ITIH4: variants seen among roughly 807,000 people sequenced by gnomAD.
ITIH4 encodes inter-alpha-trypsin inhibitor heavy chain H4.
Under a neutral mutation model 111.8 loss-of-function variants are expected in ITIH4, and 79 were observed. The ratio of observed to expected loss-of-function variants is 0.71; its 90% CI spans 0.59 to 0.85. The LOEUF is 0.85. ITIH4 is among the 40% of genes least tolerant of loss of function. ITIH4 has a pLI of 0.00. For synonymous variants in ITIH4, 472 were observed against 468.3 expected, an observed-to-expected ratio of 1.01 and a Z score of -0.10; for missense variants, 1,065 against 1,195.8, an observed-to-expected ratio of 0.89 and a Z score of 1.61.
rs182442056 is a variant in ITIH4, at chr3:52,814,151, G to A, written c.2626+58C>T. Reference sequence around the variant, plus strand: ...CACACGCAGGGGAGGGGCGCTGCCTGTTCCCAAGCACAGCTGGTTTCTGAG... The same window carrying A: ...CACACGCAGGGGAGGGGCGCTGCCTATTCCCAAGCACAGCTGGTTTCTGAG... On this transcript the variant is annotated intron_variant, in intron 22 of 23. Transcript: ENST00000266041. 1,250 of 1,604,832 alleles carry A rather than the reference G, an allele frequency of 7.8e-4. 2 individuals are homozygous for A. The African/African-American group carries it at 0.011, about 15-fold the overall frequency.
chr3:52,814,183 C>T, intron 22 of ITIH4, 26 bp downstream of exon 22: 1 of 1,609,306 alleles, frequency 6.2e-7, no homozygotes, highest in Non-Finnish European at 8.5e-7. Flanking sequence ...TGAGGAAGGC[C>T]TGGGCCCCGG....
At chr3:52,814,100 G>A (rs747956985) in intron 22 of ITIH4, 29 bp from the exon 23 acceptor site, 1 of 1,610,324 alleles carries the variant, frequency 6.2e-7, no homozygotes, top group Non-Finnish European at 8.5e-7. Flanking sequence ...ATCAGTAAGG[G>A]TCAGAGACAG....
At position 52,826,586 on chromosome 3, in the gene ITIH4, G is replaced by T. The variant is rs1700482080; in HGVS notation, c.585C>A (p.Thr195=). Residue 195 remains threonine (T), a synonymous_variant, in exon 5 of 24, where the codon ACC becomes ACA. Transcript: ENST00000266041. ...SFLETESTFM[T]NQLVDALTTW... ...TGGTGAGGGCGTCTACCAGCTGGTT[G>T]GTCATGAAGGTGCTCTCTGTCTCCA... is the stretch of plus-strand genomic sequence containing the variant. 3 of 1,614,104 alleles carry T rather than the reference G, an allele frequency of 1.9e-6. No homozygotes were observed. The highest frequency in any genetic ancestry group is 2.5e-6 in the Non-Finnish European group (3 of 1,180,002).
chr3:52,816,196 G>C (rs928460248), intron 21 of ITIH4, among the ~76,000 whole-genome samples: 1 of 152,158 alleles, frequency 6.6e-6, no homozygotes, highest in Non-Finnish European at 1.5e-5. Flanking sequence ...AGCCCTTCCT[G>C]GACGCCCCTC....
chr3:52,825,680 C>T (rs1441998388), intron 6 of ITIH4, among the ~76,000 whole-genome samples: 1 of 152,224 alleles, frequency 6.6e-6, no homozygotes, highest in Admixed American at 6.5e-5. Flanking sequence ...CAGGGCAGCT[C>T]TTCTCAGAGA....
intron 6 of ITIH4, 134 bp from the exon 7 acceptor site, chr3:52,825,092 A>C (rs1469779153): frequency 3.5e-6 from 2 of 564,166 alleles, no homozygotes; most frequent in Non-Finnish European, 6.1e-6. Context: ...TAACCTCCCC[A>C]AAACCTTGCC....
rs1700220664 is a variant in ITIH4, at chr3:52,813,159, G to T, written c.*262C>A. On this transcript the variant is annotated 3_prime_UTR_variant, in exon 24 of 24. Transcript: ENST00000266041. ...AGGGGCTGGACTGAAAGCTCAGCAT[G>T]GGCCTTCCTGGCCATGGGCTCTTGA... The T allele has an allele frequency of 2.1e-6, 1 of 472,858 alleles. No individual in the cohort carries two copies. The allele number at this position is 472,858 out of a possible 1,614,324, so 29.3% of individuals were successfully genotyped here.
chr3:52,818,240 G>A lies in ITIH4; in HGVS notation c.2179+17C>T, dbSNP rs754092902. The stretch of plus-strand genomic sequence containing the variant: ...GGGCAAGGATGTGGAAAGGGGCCAA[G>A]GGGGCTGGGAACTTACCTGGGGTTT... On this transcript the variant is annotated intron_variant, in intron 19 of 23. Coordinates refer to ENST00000266041, the MANE Select transcript of ITIH4 (RefSeq NM_002218.5). 1.8e-5 allele frequency: 28 copies of A among 1,586,264 alleles called. No individual in the cohort carries two copies. The South Asian group carries it at 2.9e-4, about 16-fold the overall frequency.
rs1280773544 is a variant in ITIH4 at position 52,819,975 on chromosome 3, T to C, written c.1877A>G (p.Lys626Arg). The C allele has an allele frequency of 3.7e-6, 6 of 1,614,110 alleles. No homozygotes were observed. The highest frequency in any genetic ancestry group is 5.1e-6 in the Non-Finnish European group (6 of 1,180,028). Residue 626 changes from lysine to arginine, a missense_variant, in exon 15 of 24, where the codon AAA becomes AGA. Physicochemically the swap from Lys to Arg is conservative, Grantham distance 26. Coordinates refer to ENST00000266041, the MANE Select transcript of ITIH4 (RefSeq NM_002218.5). The part of the protein sequence containing the change: ...RNVHSGSTFF[K>R]YYLQGAKIPK... ...TATTTTTGCTCCCTGGAGATAATATTTGAAGAAAGTGGAACCTGGAAATCA... is the reference window on the plus strand; with the variant it reads ...TATTTTTGCTCCCTGGAGATAATATCTGAAGAAAGTGGAACCTGGAAATCA...
Position 52,829,180 on chromosome 3 carries a change from C to A in ITIH4, c.190G>T (p.Val64Leu). ...TCCATCTGGAAGGTGGCCTCCTGCA[C>A]AGTATTGGCCCTATTGACCACTCGG... The part of the protein sequence containing the change: ...TSRVVNRANT[V>L]QEATFQMELP... The change falls in exon 2 of 24, where the codon GTG becomes TTG. Residue 64 changes from valine (V) to leucine (L), a missense_variant. Val to Leu is a conservative substitution (Grantham distance 32, BLOSUM62 1). Coordinates refer to ENST00000266041, the MANE Select transcript of ITIH4 (RefSeq NM_002218.5). 1 of 1,613,224 alleles carries A rather than the reference C, an allele frequency of 6.2e-7. No homozygotes were observed. The highest frequency in any genetic ancestry group is 8.5e-7 in the Non-Finnish European group (1 of 1,179,324).
rs1437455556 is a variant in ITIH4 at position 52,818,473 on chromosome 3, A to C, written c.2141T>G (p.Met714Arg). The change falls in exon 18 of 24, where the codon ATG (methionine) becomes AGG (arginine). Residue 714 changes from methionine (M) to arginine (R), a missense_variant. Met to Arg is a moderately conservative substitution (Grantham distance 91, BLOSUM62 -1). Coordinates refer to ENST00000266041, the MANE Select transcript of ITIH4 (RefSeq NM_002218.5). Reference protein sequence around the residue: ...PDPAVSRVMNMKIEETTMTTQ... With the variant: ...PDPAVSRVMNRKIEETTMTTQ... ...GGCCTTGGGGGCACCTTCGATTTTC[A>C]TATTCATGACACGAGACACAGCTGG... 1.2e-6 allele frequency: 2 copies of C among 1,603,348 alleles called. No individual in the cohort carries two copies. Among genetic ancestry groups the C allele is most frequent in the East Asian group, 2.3e-5 (1 of 44,412 alleles).
At chr3:52,818,441 G>T (rs770973357) in intron 18 of ITIH4, 21 bp downstream of exon 18, 9 of 1,593,198 alleles carry the variant, frequency 5.6e-6, no homozygotes, top group Admixed American at 5.3e-5. Flanking sequence ...GTTAGGACAG[G>T]GCCTCTGGCC....
rs530861334 is a variant in ITIH4 at position 52,820,568 on chromosome 3, C to A, written c.1834+63G>T. The A allele has an allele frequency of 2.5e-5, 38 of 1,539,424 alleles. No homozygotes were observed. In the South Asian group the frequency reaches 2.8e-4, roughly 12 times the overall value. On this transcript the variant is annotated intron_variant, in intron 13 of 23. Transcript: ENST00000266041. ...GTCTTGGTCAGGATGCAGGGAAGAT[C>A]GGGGAGAACGCTGGGTCCAAACTCT...
chr3:52,816,828 C>T, intron 21 of ITIH4, 56 bp downstream of exon 21: 1 of 1,536,912 alleles, frequency 6.5e-7, no homozygotes, highest in Non-Finnish European at 8.9e-7. Context: ...GTACCATCAT[C>T]AGCCACTGTA....
In ITIH4 at chr3:52,820,296, T is replaced by G. The variant is rs200115903; in HGVS notation, c.1856A>C (p.His619Pro). 8.7e-6 allele frequency: 14 copies of G among 1,613,850 alleles called. No individual in the cohort carries two copies. Among genetic ancestry groups the G allele is most frequent in the Non-Finnish European group, 1.2e-5 (14 of 1,180,008 alleles). Residue 619 changes from histidine to proline, a missense_variant, in exon 14 of 24, where the codon CAC becomes CCC. Transcript: ENST00000266041. The part of the protein sequence containing the change: ...MEGESRNRNV[H>P]SGSTFFKYYL... ...TGAGGATGTTCGCTGCTTACCTGAG[T>G]GGACATTCCTGTTTCTACTTTCTGG... is the stretch of plus-strand genomic sequence containing the variant.
chr3:52,818,618 C>T, intron 17 of ITIH4, 82 bp from the exon 18 acceptor site: 1 of 1,162,280 alleles, frequency 8.6e-7, no homozygotes, highest in South Asian at 1.3e-5. Flanking sequence ...CCACCAAGCT[C>T]CAGCCCCCCA....
intron 6 of ITIH4, chr3:52,825,223 C>A (rs369544994): frequency 3.7e-6 from 1 of 267,834 alleles, no homozygotes. Context: ...ATGGTTTATA[C>A]TAAAAAGTTC....
rs200833547 is a variant in ITIH4, at chr3:52,826,904, G to A, written c.406C>T (p.Pro136Ser). ...AGCTCAAAGGTGATCTTGGCATTGG[G>A]AGCCACACTGACCGACACCTGGAAC... Reference protein sequence around the residue: ...EQFQVSVSVAPNAKITFELVY... With the variant: ...EQFQVSVSVASNAKITFELVY... The change falls in exon 4 of 24, where the codon CCC (proline) becomes TCC (serine). Residue 136 changes from proline (P) to serine (S), a missense_variant. Physicochemically the swap from Pro to Ser is moderately conservative, Grantham distance 74 (BLOSUM62 -1). Transcript: ENST00000266041. The A allele has an allele frequency of 3.7e-6, 6 of 1,614,074 alleles. No homozygotes were observed. Among genetic ancestry groups the A allele is most frequent in the Non-Finnish European group, 5.1e-6 (6 of 1,180,018 alleles).
intron 11 of ITIH4, among the ~76,000 whole-genome samples, chr3:52,821,813 C>A (rs1195006113): frequency 6.6e-6 from 1 of 152,166 alleles, no homozygotes; most frequent in Non-Finnish European, 1.5e-5. Flanking sequence ...GCCTCTCCCA[C>A]CAGAGCTCCC....
Sources: gnomAD v4.1 joint callset for allele counts (sites outside exome capture counted in the v4.1 genomes callset) on GRCh38, gnomAD v4.1.1 for gene constraint, MANE v1.5 for transcripts, NCBI Gene and HGNC (gene_info 2026-07-23, HGNC 2026-07-21) for gene names.